TMCC3: variants seen among roughly 807,000 people sequenced by gnomAD.
TMCC3 encodes transmembrane and coiled-coil domain protein 3.
Under a neutral mutation model 40.2 loss-of-function variants are expected in TMCC3, and 28 were observed. The ratio of observed to expected loss-of-function variants is 0.70; its 90% confidence interval spans 0.52 to 0.95. The LOEUF is 0.95. Ranked by LOEUF, TMCC3 falls within the 40% of genes least tolerant of loss-of-function variation. The pLI is 0.00. For synonymous variants in TMCC3, 255 were observed against 248.5 expected (o/e 1.03, Z -0.25); for missense variants, 554 against 615.2 (o/e 0.90, Z 1.05).
At chr12:94,582,567 A>T (rs766253695) in intron 1 of TMCC3, 29 bp from the exon 2 acceptor site, 1 of 1,540,330 alleles carries the variant, frequency 6.5e-7, no homozygotes, top group Admixed American at 2.1e-5. Context: ...AAGCACATTA[A>T]AATTTGAAGT....
chr12:94,610,814 T>C (rs916335901), intron 1 of TMCC3, among the ~76,000 whole-genome samples: 2 of 152,206 alleles, frequency 1.3e-5, no homozygotes, highest in Admixed American at 6.5e-5. Context: ...GGATTTATGA[T>C]AGATATGTAC....
chr12:94,578,853 C>T (rs2068583684), intron 2 of TMCC3, among the ~76,000 whole-genome samples: 2 of 152,276 alleles, frequency 1.3e-5, no homozygotes, highest in East Asian at 3.9e-4. Flanking sequence ...AGGCAGGAGA[C>T]AGGGCTCTGT....
chr12:94,582,294 G>A lies in TMCC3; in HGVS notation c.323C>T (p.Ala108Val), dbSNP rs138008625. Residue 108 changes from alanine to valine, a missense_variant, in exon 2 of 4, where the codon GCG becomes GTG. By Grantham distance (64) the Ala-to-Val change is moderately conservative. Transcript: ENST00000261226. ...CTCAAAGACTTGCTTGATACGTCCC[G>A]CCTGCTGCTTGTCTGCGTTGTTCAC... Reference protein sequence around the residue: ...KLVNNADKQQAGRIKQVFEKK... With the variant: ...KLVNNADKQQVGRIKQVFEKK... 6,325 of 1,613,902 alleles carry A rather than the reference G, an allele frequency of 3.9e-3. 18 individuals carry two copies. Among genetic ancestry groups the A allele is most frequent in the African/African-American group, 4.7e-3 (355 of 74,960 alleles).
At chr12:94,578,665 G>T in intron 2 of TMCC3, 136 bp from the exon 3 acceptor site, 1 of 954,502 alleles carries the variant, frequency 1.0e-6, no homozygotes, top group Non-Finnish European at 1.5e-6. Flanking sequence ...AAAGAGTAAG[G>T]CTAGCTGTGG....
intron 1 of TMCC3, among the ~76,000 whole-genome samples, chr12:94,600,980 T>A (rs1371536957): frequency 6.6e-6 from 1 of 152,202 alleles, no homozygotes; most frequent in African/African-American, 2.4e-5. Flanking sequence ...AAATTCTGAA[T>A]GAGACATCCA....
intron 1 of TMCC3, among the ~76,000 whole-genome samples, chr12:94,591,577 C>T (rs1166128598): frequency 6.6e-6 from 1 of 152,064 alleles, no homozygotes; most frequent in African/African-American, 2.4e-5. Flanking sequence ...TGGTGAAACC[C>T]TGTCTCTACC....
intron 1 of TMCC3, among the ~76,000 whole-genome samples, chr12:94,582,850 G>C (rs12300182): frequency 0.025 from 3,792 of 151,958 alleles, 131 homozygotes; most frequent in South Asian, 0.11. Context: ...AGTCAGTCCC[G>C]GTCTCCCAAA....
chr12:94,592,185 C>A (rs1451979700), intron 1 of TMCC3, among the ~76,000 whole-genome samples: 1 of 152,158 alleles, frequency 6.6e-6, no homozygotes, highest in African/African-American at 2.4e-5. Context: ...CATTTCCTTT[C>A]ATAGTTCAGG....
chr12:94,582,407 G>A lies in TMCC3; in HGVS notation c.210C>T (p.Ser70=). The A allele has an allele frequency of 6.2e-7, 1 of 1,613,808 alleles. No individual in the cohort carries two copies. The highest frequency in any genetic ancestry group is 8.5e-7 in the Non-Finnish European group (1 of 1,179,994). Reference sequence around the variant, plus strand: ...TTACCTTTAGAATTTTTTGCTTCAGGCTGTCTGCAGTGAGTTTGACCTTGT... The same window carrying A: ...TTACCTTTAGAATTTTTTGCTTCAGACTGTCTGCAGTGAGTTTGACCTTGT... ...DFHKVKLTAD[S]LKQKILKVTE... Residue 70 remains serine (S), a synonymous_variant, in exon 2 of 4, where the codon AGC becomes AGT. Transcript: ENST00000261226.
rs142697989 is a variant in TMCC3 at position 94,598,201 on chromosome 12, C to T, written c.79-15663G>A. 4.0e-4 allele frequency among the ~76,000 whole-genome samples: 61 copies of T among 152,302 alleles called. 1 individual carries two copies. The highest frequency in any genetic ancestry group is 1.4e-3 in the African/African-American group (58 of 41,558). On this transcript the variant is annotated intron_variant, in intron 1 of 3. Coordinates refer to ENST00000261226, the MANE Select transcript of TMCC3 (RefSeq NM_020698.4). ...AAAAGTGACTTACTAGGACTCAAAG[C>T]TAATAAGTGGCAGAGCCATGTGATT...
At position 94,590,367 on chromosome 12, in the gene TMCC3, A is replaced by T. The variant is rs576999543; in HGVS notation, c.79-7829T>A. The stretch of plus-strand genomic sequence containing the variant: ...GTGATCCACTTTGTTCCATATTCTA[A>T]AATATAAACAGTGATTTGGGCCAAA... On this transcript the variant is annotated intron_variant, in intron 1 of 3. Transcript: ENST00000261226. 4.0e-5 allele frequency among the ~76,000 whole-genome samples: 6 copies of T among 150,250 alleles called. No homozygotes were observed. The East Asian group carries it at 1.2e-3, about 29-fold the overall frequency.
intron 1 of TMCC3, among the ~76,000 whole-genome samples, chr12:94,603,586 C>T (rs541471053): frequency 4.6e-5 from 7 of 152,180 alleles, no homozygotes; most frequent in African/African-American, 1.7e-4. Context: ...TAGCGTGCTG[C>T]GGAGGTGAGA....
rs202016692 is a variant in TMCC3 at position 94,582,485 on chromosome 12, C to A, written c.132G>T (p.Gly44=). 3.1e-6 allele frequency: 5 copies of A among 1,613,610 alleles called. No individual in the cohort carries two copies. The highest frequency in any genetic ancestry group is 4.2e-6 in the Non-Finnish European group (5 of 1,179,996). ...CAAAGTTGAGGTTGGTGTCTGACCCCCCTCGGCGTATGTTCAGGGGCAGGC... is the reference window on the plus strand; with the variant it reads ...CAAAGTTGAGGTTGGTGTCTGACCCACCTCGGCGTATGTTCAGGGGCAGGC... The part of the protein sequence containing the change: ...TLSLPLNIRR[G]GSDTNLNFDV... The change falls in exon 2 of 4, where the codon GGG becomes GGT. Residue 44 remains glycine, a synonymous_variant. Coordinates refer to ENST00000261226, the MANE Select transcript of TMCC3 (RefSeq NM_020698.4).
chr12:94,614,389 T>G (rs1334783016), intron 1 of TMCC3, among the ~76,000 whole-genome samples: 1 of 152,120 alleles, frequency 6.6e-6, no homozygotes, highest in African/African-American at 2.4e-5. Flanking sequence ...GCCCTGTAAT[T>G]GCCCCCAGGC....
At chr12:94,574,213 T>C (rs2068549806) in intron 3 of TMCC3, among the ~76,000 whole-genome samples, 1 of 151,766 alleles carries the variant, frequency 6.6e-6, no homozygotes, top group Non-Finnish European at 1.5e-5. Context: ...TGAAACCCCC[T>C]CTTTACTAAA....
chr12:94,613,462 G>A (rs548916371), intron 1 of TMCC3, among the ~76,000 whole-genome samples: 22 of 151,770 alleles, frequency 1.4e-4, no homozygotes, highest in Admixed American at 8.5e-4. Context: ...GCGAGACCCC[G>A]TCTCAAAAAG....
At chr12:94,632,992 G>A (rs1028293225) in intron 1 of TMCC3, among the ~76,000 whole-genome samples, 4 of 152,102 alleles carry the variant, frequency 2.6e-5, no homozygotes, top group East Asian at 1.9e-4. Flanking sequence ...TGCAGTCCTC[G>A]TTACTTGGGA....
intron 3 of TMCC3, among the ~76,000 whole-genome samples, chr12:94,572,451 C>T (rs1298845513): frequency 6.6e-6 from 1 of 150,752 alleles, no homozygotes; most frequent in Non-Finnish European, 1.5e-5. Context: ...GCTGGGATTA[C>T]AGGTGCACGC....
intron 1 of TMCC3, among the ~76,000 whole-genome samples, chr12:94,619,660 A>G (rs1236891917): frequency 2.0e-5 from 3 of 152,234 alleles, no homozygotes; most frequent in African/African-American, 7.2e-5. Context: ...ATGCCCTTTG[A>G]CCTAACAGTT....
Sources: gnomAD v4.1 joint callset for allele counts (sites outside exome capture counted in the v4.1 genomes callset) on GRCh38, gnomAD v4.1.1 for gene constraint, MANE v1.5 for transcripts, NCBI Gene and HGNC (gene_info 2026-07-23, HGNC 2026-07-21) for gene names.